KIF13B: variants seen among roughly 807,000 people sequenced by gnomAD.
KIF13B encodes kinesin-like protein KIF13B.
A neutral mutation model predicts 222.0 loss-of-function variants in KIF13B; 127 were observed. That is an observed-to-expected ratio of 0.57 (90% CI 0.50 to 0.66). KIF13B has a LOEUF of 0.66. Ranked by LOEUF, KIF13B falls within the 30% of genes least tolerant of loss-of-function variation. The pLI is 0.00. For missense variants in KIF13B, 2,173 were observed against 2,379.0 expected (o/e 0.91, Z 1.80); for synonymous variants, 976 against 919.0 (o/e 1.06, Z -1.12).
In KIF13B at chr8:29,127,112, A is replaced by T; in HGVS notation, c.3222+10T>A. The T allele has an allele frequency of 6.2e-7, 1 of 1,612,658 alleles. No individual in the cohort carries two copies. ...CTTTCAAGAAGAACATAACAGGTAT[A>T]GAAACTTACATGGAAGGTCTCATGT... On this transcript the variant is annotated intron_variant, in intron 25 of 39. Transcript: ENST00000524189.
At chr8:29,116,715 G>A (rs1809613824) in intron 31 of KIF13B, 116 bp downstream of exon 31, 1 of 931,010 alleles carries the variant, frequency 1.1e-6, no homozygotes. Flanking sequence ...ACCTGGAAAA[G>A]AAAAGCTCAG....
intron 2 of KIF13B, among the ~76,000 whole-genome samples, chr8:29,224,662 AC>A (rs141038221): frequency 6.6e-4 from 96 of 146,082 alleles, no homozygotes; most frequent in Middle Eastern, 6.9e-3. Context: ...TGTTTATAGA[AC>A]CCCCCCCCAT....
chr8:29,119,072 T>C, intron 29 of KIF13B, 80 bp from the exon 30 acceptor site: 2 of 1,401,380 alleles, frequency 1.4e-6, no homozygotes, highest in Non-Finnish European at 9.8e-7. Context: ...ATGTGATTAT[T>C]ACAATTCTTC....
At position 29,070,186 on chromosome 8, in the gene KIF13B, C is replaced by T; in HGVS notation, c.*318G>A. 1 of 423,678 alleles carries T rather than the reference C, an allele frequency of 2.4e-6. No individual in the cohort carries two copies. The highest frequency in any genetic ancestry group is 2.1e-5 in the African/African-American group (1 of 47,258). The allele number at this position is 423,678 out of a possible 1,614,324, so 26.2% of individuals were successfully genotyped here. ...ATGATAGAAAGAGCAACATAAGGCC[C>T]CAGGCACAGGCACACAGCAAGATCA... On this transcript the variant is annotated 3_prime_UTR_variant, in exon 40 of 40. Coordinates refer to ENST00000524189, the MANE Select transcript of KIF13B (RefSeq NM_015254.4). The surrounding 1 kb of genome is among the most constrained non-coding windows in gnomAD (Gnocchi z 4.1).
At chr8:29,253,694 G>A (rs1198222152) in intron 1 of KIF13B, among the ~76,000 whole-genome samples, 1 of 151,770 alleles carries the variant, frequency 6.6e-6, no homozygotes, top group Non-Finnish European at 1.5e-5. Flanking sequence ...GCCAGGCAGG[G>A]TGGCAGGCAC....
rs1239989249 is a variant in KIF13B at position 29,070,460 on chromosome 8, A to C, written c.*44T>G. ...CAGGGCTGTCACTGGCAGGGCTCAA[A>C]AGGGGCCGGGCACCCCCAGAAAAGT... is the stretch of plus-strand genomic sequence containing the variant. On this transcript the variant is annotated 3_prime_UTR_variant, in exon 40 of 40. Coordinates refer to ENST00000524189, the MANE Select transcript of KIF13B (RefSeq NM_015254.4). The surrounding 1 kb of genome is among the most constrained non-coding windows in gnomAD (Gnocchi z 4.1). The C allele has an allele frequency of 1.3e-6, 2 of 1,597,810 alleles. No individual in the cohort carries two copies. The highest frequency in any genetic ancestry group is 8.5e-7 in the Non-Finnish European group (1 of 1,172,384).
intron 35 of KIF13B, among the ~76,000 whole-genome samples, chr8:29,107,908 C>T (rs986063331): frequency 2.0e-5 from 3 of 152,078 alleles, no homozygotes; most frequent in Admixed American, 6.5e-5. Flanking sequence ...GACAGAAGTA[C>T]GAGCTTTAGC....
chr8:29,082,458 C>T (rs1429529419), intron 37 of KIF13B, among the ~76,000 whole-genome samples: 2 of 151,634 alleles, frequency 1.3e-5, no homozygotes, highest in Non-Finnish European at 2.9e-5. Flanking sequence ...GGGCAACATA[C>T]CAAGGCCTCA....
chr8:29,193,570 A>G (rs1258188705), intron 3 of KIF13B, among the ~76,000 whole-genome samples: 4 of 152,180 alleles, frequency 2.6e-5, no homozygotes, highest in Admixed American at 2.6e-4. Context: ...TTGTAAGCTT[A>G]GTTCTCACTT....
At chr8:29,142,781 G>A (rs563084853) in intron 18 of KIF13B, among the ~76,000 whole-genome samples, 1 of 152,264 alleles carries the variant, frequency 6.6e-6, no homozygotes, top group East Asian at 1.9e-4. Context: ...AGAGGTTGCA[G>A]TGAGCTGAAG....
intron 2 of KIF13B, among the ~76,000 whole-genome samples, chr8:29,232,198 C>T (rs910453801): frequency 6.6e-6 from 1 of 151,856 alleles, no homozygotes; most frequent in Admixed American, 6.6e-5. Context: ...GTTGAGGCTG[C>T]AGTAAGCCAT....
At chr8:29,224,007 CTTT>C (rs1256284956) in intron 2 of KIF13B, among the ~76,000 whole-genome samples, 2 of 137,462 alleles carry the variant, frequency 1.5e-5, no homozygotes, top group Non-Finnish European at 3.1e-5. Context: ...TTTTTTTTTT[CTTT>C]TTTTTTGAGA....
intron 2 of KIF13B, among the ~76,000 whole-genome samples, chr8:29,243,541 A>G (rs1427268257): frequency 6.6e-6 from 1 of 151,818 alleles, no homozygotes; most frequent in East Asian, 1.9e-4. Flanking sequence ...CTGTAATCCC[A>G]GCTACTTGGG....
At chr8:29,206,807 C>T (rs1483710533) in intron 2 of KIF13B, among the ~76,000 whole-genome samples, 3 of 152,028 alleles carry the variant, frequency 2.0e-5, no homozygotes, top group Non-Finnish European at 4.4e-5. Context: ...ATAATAGGTG[C>T]TAAGGAAATA....
rs1554603666 is a variant in KIF13B at position 29,136,795 on chromosome 8, G to GTA, written c.2614-2586_2614-2585insTA. 4.3e-3 allele frequency among the ~76,000 whole-genome samples: 504 copies of GTA among 116,818 alleles called. 7 individuals are homozygous for GTA. Among genetic ancestry groups the GTA allele is most frequent in the African/African-American group, 0.013 (410 of 30,510 alleles). The allele number at this position is 116,818 out of a possible 152,430, so 76.6% of individuals were successfully genotyped here. On this transcript the variant is annotated intron_variant, in intron 21 of 39. Coordinates refer to ENST00000524189, the MANE Select transcript of KIF13B (RefSeq NM_015254.4). ...ATGAAATGAAAGAGACCTGTAACAGGTTTTTTTTTTTTTTTTTTTTTTGAG... is the reference window on the plus strand; with the variant it reads ...ATGAAATGAAAGAGACCTGTAACAGGTATTTTTTTTTTTTTTTTTTTTTTGAG...
intron 8 of KIF13B, among the ~76,000 whole-genome samples, 193 bp from the exon 9 acceptor site, chr8:29,177,771 A>G (rs1026980991): frequency 3.4e-4 from 52 of 152,298 alleles, no homozygotes; most frequent in African/African-American, 1.2e-3. Flanking sequence ...ATAGCTGGCC[A>G]TGGTGGCGTG....
chr8:29,228,468 A>AG lies in KIF13B; in HGVS notation c.149+16877_149+16878insC, dbSNP rs1815127622. Among the ~76,000 whole-genome samples, 5 of 22,084 alleles carry AG rather than the reference A, an allele frequency of 2.3e-4. No individual in the cohort carries two copies. The Admixed American group carries it at 2.7e-3, about 12-fold the overall frequency. 14.5% of individuals were successfully genotyped at this position (22,084 alleles called of 152,430 possible). On this transcript the variant is annotated intron_variant, in intron 2 of 39. Transcript: ENST00000524189. ...GGTGACAGAGCCAGACTCCATCTTA[A>AG]AAAAATATATATATATATATATGAG...
At chr8:29,115,330 T>C (rs2129653917) in intron 31 of KIF13B, among the ~76,000 whole-genome samples, 1 of 151,660 alleles carries the variant, frequency 6.6e-6, no homozygotes, top group Middle Eastern at 3.4e-3. Flanking sequence ...AAAAGAATTT[T>C]TTTTTTTTTT....
Position 29,069,778 on chromosome 8 carries a change from G to A in KIF13B, c.*726C>T, listed in dbSNP as rs1586732961. On this transcript the variant is annotated 3_prime_UTR_variant, in exon 40 of 40. Transcript: ENST00000524189. ...TAAATAAATACATTCCAAGCCTTCT[G>A]TGAAGGGAATAAACGGCAAACATAA... The A allele has an allele frequency of 6.6e-6, 1 of 152,400 alleles. No individual in the cohort carries two copies. The highest frequency in any genetic ancestry group is 1.5e-5 in the Non-Finnish European group (1 of 68,048). 9.4% of individuals were successfully genotyped at this position (152,400 alleles called of 1,614,324 possible).
Sources: allele counts gnomAD v4.1 joint callset (sites outside exome capture counted in the v4.1 genomes callset), GRCh38; gene constraint gnomAD v4.1.1; non-coding constraint Gnocchi (gnomAD v3.1); transcripts MANE v1.5; gene names NCBI Gene and HGNC (gene_info 2026-07-23, HGNC 2026-07-21).